The following PELI1 variants were observed in gnomAD, a reference collection of about 807,000 sequenced individuals.
PELI1 encodes the protein E3 ubiquitin-protein ligase pellino homolog 1.
A neutral mutation model predicts 41.3 loss-of-function variants in PELI1; 15 were observed. The observed-to-expected ratio is 0.36, with a 90% confidence interval of 0.24 to 0.56. The LOEUF (loss-of-function observed/expected upper bound fraction) is 0.56, where lower values mean the gene tolerates loss of function less well. Ranked by LOEUF, PELI1 falls within the 20% of genes least tolerant of loss-of-function variation. The pLI, the probability that PELI1 is intolerant of heterozygous loss-of-function variation, is 0.82. For synonymous variants in PELI1, 178 were observed against 180.1 expected (o/e 0.99, Z 0.09); for missense variants, 403 against 525.5 (o/e 0.77, Z 2.28).
At chr2:64,102,044 C>G (rs978901601) in intron 3 of PELI1, among the ~76,000 whole-genome samples, 1 of 152,054 alleles carries the variant, frequency 6.6e-6, no homozygotes, top group Non-Finnish European at 1.5e-5. Context: ...CCAGGCTGGT[C>G]TCGAACTCCT....
In PELI1 at chr2:64,110,299, G is replaced by C. The variant is rs182696816; in HGVS notation, c.-69-1920C>G. On this transcript the variant is annotated intron_variant, in intron 1 of 6. Coordinates refer to ENST00000358912, the MANE Select transcript of PELI1 (RefSeq NM_020651.4). The stretch of plus-strand genomic sequence containing the variant: ...AATATCCTGGAAGCAGAGAGAGAGA[G>C]AGAACACTGCATTTATAACGACAAT... Among the ~76,000 whole-genome samples the C allele has an allele frequency of 1.0e-4, 15 of 148,330 alleles. No individual in the cohort carries two copies. The East Asian group carries it at 2.0e-3, about 19-fold the overall frequency.
At chr2:64,140,016 G>A (rs1241596093) in intron 1 of PELI1, among the ~76,000 whole-genome samples, 2 of 152,090 alleles carry the variant, frequency 1.3e-5, no homozygotes, top group Non-Finnish European at 2.9e-5. Flanking sequence ...TGTGTTTCTT[G>A]TCAACTACAT....
At chr2:64,123,029 C>T (rs1021104280) in intron 1 of PELI1, among the ~76,000 whole-genome samples, 1 of 152,090 alleles carries the variant, frequency 6.6e-6, no homozygotes, top group Non-Finnish European at 1.5e-5. Flanking sequence ...CCTATGTTGG[C>T]GTCTGTTTCA....
rs1425857672 is a variant in PELI1, at chr2:64,093,753, A to C, written c.*949T>G. 6.6e-6 allele frequency: 1 copy of C among 152,648 alleles called. No individual in the cohort carries two copies. The highest frequency in any genetic ancestry group is 1.5e-5 in the Non-Finnish European group (1 of 68,038). 9.5% of individuals were successfully genotyped at this position (152,648 alleles called of 1,614,324 possible). A position where few individuals can be genotyped will look rare whatever the true frequency, so the allele number is the denominator to read the frequency against. On this transcript the variant is annotated 3_prime_UTR_variant, in exon 7 of 7. Transcript: ENST00000358912. Reference sequence around the variant, plus strand: ...TTAAGCATTTCTTTTTCCAAAAGCAAATCAAGTCACTCTCCTTTCTTGCTA... The same window carrying C: ...TTAAGCATTTCTTTTTCCAAAAGCACATCAAGTCACTCTCCTTTCTTGCTA...
chr2:64,110,010 G>T (rs144987065), intron 1 of PELI1, among the ~76,000 whole-genome samples: 6 of 152,030 alleles, frequency 3.9e-5, no homozygotes, highest in Non-Finnish European at 8.8e-5. Context: ...TTTGGGAAGC[G>T]GAGGCGGGAA....
intron 1 of PELI1, among the ~76,000 whole-genome samples, chr2:64,125,435 G>C (rs773260647): frequency 3.7e-4 from 56 of 152,148 alleles, no homozygotes; most frequent in Non-Finnish European, 6.0e-4. Context: ...AGACCAAATA[G>C]ATTTTTGTAT....
Position 64,095,166 on chromosome 2 carries a change from C to G in PELI1, c.793G>C (p.Val265Leu), listed in dbSNP as rs201658507. 1.1e-5 allele frequency: 17 copies of G among 1,614,058 alleles called. No individual in the cohort carries two copies. In the East Asian group the frequency reaches 2.9e-4, roughly 27 times the overall value. The change falls in exon 7 of 7, where the codon GTG (valine) becomes CTG (leucine). Residue 265 changes from valine to leucine, a missense_variant. Physicochemically the swap from Val to Leu is conservative, Grantham distance 32. Coordinates refer to ENST00000358912, the MANE Select transcript of PELI1 (RefSeq NM_020651.4). ...TAEGLSHTPTVKHLEALRQEI... is the reference protein window; with the variant it reads ...TAEGLSHTPTLKHLEALRQEI... Reference sequence around the variant, plus strand: ...TGTCTTAAAGCTTCTAAATGCTTCACGGTAGGAGTGTGGGAAAGGCCTTCT... The same window carrying G: ...TGTCTTAAAGCTTCTAAATGCTTCAGGGTAGGAGTGTGGGAAAGGCCTTCT...
intron 1 of PELI1, among the ~76,000 whole-genome samples, chr2:64,137,969 T>C (rs532096519): frequency 1.3e-5 from 2 of 152,312 alleles, no homozygotes; most frequent in African/African-American, 4.8e-5. Context: ...TTTAGATAAG[T>C]GTATAAAATA....
chr2:64,122,593 G>T (rs1681260009), intron 1 of PELI1, among the ~76,000 whole-genome samples: 1 of 152,058 alleles, frequency 6.6e-6, no homozygotes, highest in African/African-American at 2.4e-5. Flanking sequence ...CCCTCAGCAG[G>T]TGCATAAATT....
At chr2:64,138,474 T>G (rs940072314) in intron 1 of PELI1, among the ~76,000 whole-genome samples, 4 of 152,198 alleles carry the variant, frequency 2.6e-5, no homozygotes, top group African/African-American at 9.7e-5. Flanking sequence ...CCACCTGTAA[T>G]CCCAGCACTT....
intron 1 of PELI1, among the ~76,000 whole-genome samples, chr2:64,121,232 C>T (rs563201587): frequency 3.3e-5 from 5 of 152,094 alleles, no homozygotes; most frequent in Non-Finnish European, 7.4e-5. Context: ...CATGTGATTC[C>T]GGGCTGATGA....
At chr2:64,098,345 A>T (rs1680312036) in intron 4 of PELI1, among the ~76,000 whole-genome samples, 1 of 152,232 alleles carries the variant, frequency 6.6e-6, no homozygotes, top group Non-Finnish European at 1.5e-5. Flanking sequence ...GATAATAGTT[A>T]GAAACTGACT....
intron 1 of PELI1, among the ~76,000 whole-genome samples, chr2:64,133,103 C>T (rs1383831595): frequency 1.3e-5 from 2 of 152,140 alleles, no homozygotes; most frequent in Non-Finnish European, 2.9e-5. Flanking sequence ...TTTCACTAAC[C>T]TGAGGTCTGT....
chr2:64,102,691 A>G (rs1485379135), intron 3 of PELI1, among the ~76,000 whole-genome samples: 1 of 152,192 alleles, frequency 6.6e-6, no homozygotes, highest in Admixed American at 6.5e-5. Context: ...GAGAATAAAA[A>G]CTATGTCAAG....
At chr2:64,097,626 G>C (rs184567897) in intron 4 of PELI1, among the ~76,000 whole-genome samples, 73 of 152,248 alleles carry the variant, frequency 4.8e-4, no homozygotes, top group African/African-American at 1.7e-3. Context: ...GCAAACATTT[G>C]GAAATTATCA....
chr2:64,140,718 CATA>C (rs1479932083), intron 1 of PELI1, among the ~76,000 whole-genome samples: 13 of 141,186 alleles, frequency 9.2e-5, no homozygotes, highest in African/African-American at 3.1e-4. Context: ...ACCTACTAAA[CATA>C]GTATGTTAGG....
At chr2:64,122,640 A>G (rs1681261024) in intron 1 of PELI1, among the ~76,000 whole-genome samples, 1 of 152,102 alleles carries the variant, frequency 6.6e-6, no homozygotes, top group South Asian at 2.1e-4. Context: ...GGTGACTCTT[A>G]GGTCACGTTC....
At chr2:64,122,025 T>G (rs1681233927) in intron 1 of PELI1, among the ~76,000 whole-genome samples, 3 of 152,148 alleles carry the variant, frequency 2.0e-5, no homozygotes, top group Admixed American at 6.5e-5. Flanking sequence ...AAAACTACAT[T>G]TTTTAAAAAG....
intron 3 of PELI1, among the ~76,000 whole-genome samples, chr2:64,101,508 G>A (rs1680432215): frequency 1.3e-5 from 2 of 152,070 alleles, no homozygotes; most frequent in Non-Finnish European, 2.9e-5. Context: ...TATCAAAGGA[G>A]GGGAAAAATC....
Sources: allele counts gnomAD v4.1 joint callset (sites outside exome capture counted in the v4.1 genomes callset), GRCh38; gene constraint gnomAD v4.1.1; transcripts MANE v1.5; gene names NCBI Gene and HGNC (gene_info 2026-07-23, HGNC 2026-07-21).